Variants in MAGI1 observed in about 807,000 individuals in gnomAD.
The protein encoded by MAGI1 is membrane-associated guanylate kinase, WW and PDZ domain-containing protein 1.
MAGI1 carries 58 observed loss-of-function variants against 139.9 expected under a neutral mutation model. That is an observed-to-expected ratio of 0.41 (90% CI 0.34 to 0.52). The LOEUF is 0.52. Among genes scored for constraint, MAGI1 ranks in the 20% least tolerant of loss-of-function variants. The pLI is 0.12. For synonymous variants in MAGI1, 812 were observed against 737.9 expected, an observed-to-expected ratio of 1.10 and a Z score of -1.63; for missense variants, 1,874 against 1,901.6, an observed-to-expected ratio of 0.99 and a Z score of 0.27.
intron 1 of MAGI1, among the ~76,000 whole-genome samples, chr3:66,014,700 T>C (rs1366987834): frequency 6.6e-6 from 1 of 152,200 alleles, no homozygotes; most frequent in Non-Finnish European, 1.5e-5. Flanking sequence ...AAAGAGGCCT[T>C]ATCAAATCAT....
At chr3:65,558,202 C>T (rs2108002739) in intron 2 of MAGI1, among the ~76,000 whole-genome samples, 1 of 122,922 alleles carries the variant, frequency 8.1e-6, no homozygotes. Flanking sequence ...AATCAGGAGT[C>T]CAAGTGCCCC....
intron 3 of MAGI1, among the ~76,000 whole-genome samples, chr3:65,480,128 T>C (rs1485964022): frequency 3.4e-5 from 5 of 148,192 alleles, no homozygotes; most frequent in Non-Finnish European, 7.4e-5. Flanking sequence ...CAGTACATAG[T>C]TACATAACAA....
intron 6 of MAGI1, 65 bp downstream of exon 6, chr3:65,453,193 T>G: frequency 6.9e-7 from 1 of 1,446,960 alleles, no homozygotes. Context: ...CTACGACTCT[T>G]TAAAATTTGC....
intron 1 of MAGI1, among the ~76,000 whole-genome samples, chr3:65,728,846 G>C (rs2033886440): frequency 6.6e-6 from 1 of 152,078 alleles, no homozygotes; most frequent in Non-Finnish European, 1.5e-5. Context: ...TAGAACTTGA[G>C]TGTGTAATGA....
chr3:65,707,240 T>C (rs2030482716), intron 1 of MAGI1, among the ~76,000 whole-genome samples: 1 of 152,206 alleles, frequency 6.6e-6, no homozygotes, highest in Non-Finnish European at 1.5e-5. Flanking sequence ...CACTTCCAAA[T>C]TAAATATTTA....
At chr3:65,520,469 C>T (rs1212527517) in intron 2 of MAGI1, among the ~76,000 whole-genome samples, 1 of 152,084 alleles carries the variant, frequency 6.6e-6, no homozygotes, top group African/African-American at 2.4e-5. Flanking sequence ...GTTACCTCAT[C>T]TGCAAATGGG....
chr3:66,010,677 T>G (rs1048758495), intron 1 of MAGI1, among the ~76,000 whole-genome samples: 12 of 152,176 alleles, frequency 7.9e-5, no homozygotes, highest in Non-Finnish European at 1.3e-4. Context: ...CACCCAAATT[T>G]TGATAAAATC....
intron 2 of MAGI1, among the ~76,000 whole-genome samples, chr3:65,543,066 C>G (rs948921785): frequency 6.6e-6 from 1 of 150,496 alleles, no homozygotes; most frequent in Non-Finnish European, 1.5e-5. Flanking sequence ...AAAAAAAAAA[C>G]AAACAACCCC....
intron 3 of MAGI1, among the ~76,000 whole-genome samples, chr3:65,488,814 G>A (rs1490205838): frequency 2.0e-5 from 3 of 152,052 alleles, no homozygotes; most frequent in Non-Finnish European, 2.9e-5. Flanking sequence ...TGGGATTACA[G>A]GTGCACGCCA....
chr3:65,444,314 TG>T (rs917358562), intron 7 of MAGI1, among the ~76,000 whole-genome samples: 14 of 152,032 alleles, frequency 9.2e-5, no homozygotes, highest in Non-Finnish European at 1.8e-4. Context: ...CTTACAAAGC[TG>T]GAAATTACCA....
chr3:65,388,251 T>C (rs1211068254), intron 14 of MAGI1, among the ~76,000 whole-genome samples: 2 of 152,204 alleles, frequency 1.3e-5, no homozygotes, highest in Non-Finnish European at 2.9e-5. Context: ...ATTTAGACCA[T>C]GTGAAGGAAT....
rs562720733 is a variant in MAGI1 at position 65,999,812 on chromosome 3, G to C, written c.313+38184C>G. On this transcript the variant is annotated intron_variant, in intron 1 of 22. Coordinates refer to ENST00000402939, the MANE Select transcript of MAGI1 (RefSeq NM_001033057.2). ...GTCTGTGTTCCCCAATTGTGCTTTCGAACTAATAAGTAACCTATCTGCCCC... is the reference window on the plus strand; with the variant it reads ...GTCTGTGTTCCCCAATTGTGCTTTCCAACTAATAAGTAACCTATCTGCCCC... Among the ~76,000 whole-genome samples the C allele has an allele frequency of 1.2e-4, 18 of 151,588 alleles. No homozygotes were observed. In the East Asian group the frequency reaches 3.5e-3, roughly 29 times the overall value.
intron 1 of MAGI1, among the ~76,000 whole-genome samples, chr3:66,012,608 A>C (rs575782718): frequency 3.2e-4 from 49 of 152,162 alleles, no homozygotes; most frequent in Admixed American, 6.5e-4. Context: ...TCTACTAAAA[A>C]TACAAAAATT....
chr3:65,580,195 TAAC>T (rs759346810), intron 2 of MAGI1, among the ~76,000 whole-genome samples: 33 of 152,200 alleles, frequency 2.2e-4, no homozygotes, highest in Non-Finnish European at 4.3e-4. Flanking sequence ...AACACAGAGA[TAAC>T]AACTGTTAGC....
rs570481621 is a variant in MAGI1 at position 65,591,684 on chromosome 3, T to C, written c.430+30288A>G. Among the ~76,000 whole-genome samples, 3 of 152,334 alleles carry C rather than the reference T, an allele frequency of 2.0e-5. No individual in the cohort carries two copies. The South Asian group carries it at 6.2e-4, about 32-fold the overall frequency. On this transcript the variant is annotated intron_variant, in intron 2 of 22. Coordinates refer to ENST00000402939, the MANE Select transcript of MAGI1 (RefSeq NM_001033057.2). ...TAGCATAATCTGTCATTCTTCCTTA[T>C]ACTCTGACCTCTCCTCCCATAGTTC... is the stretch of plus-strand genomic sequence containing the variant.
chr3:65,465,176 A>G (rs6445480), intron 5 of MAGI1, among the ~76,000 whole-genome samples: 85,231 of 150,848 alleles, frequency 0.57, 25,186 homozygotes, highest in East Asian at 0.94. Context: ...CAGTACTATT[A>G]TTGCTTCAAC....
At chr3:65,849,119 G>A (rs1422764055) in intron 1 of MAGI1, among the ~76,000 whole-genome samples, 1 of 141,796 alleles carries the variant, frequency 7.1e-6, no homozygotes, top group African/African-American at 2.7e-5. Flanking sequence ...CATCCCCAGG[G>A]TTCAAGTGAC....
intron 2 of MAGI1, among the ~76,000 whole-genome samples, chr3:65,608,332 T>C (rs951399813): frequency 1.4e-4 from 21 of 151,724 alleles, no homozygotes; most frequent in Admixed American, 1.4e-3. Context: ...TCCCAGCTAC[T>C]AGGGAGGCTA....
At chr3:65,622,139 G>A (rs766491477) in intron 1 of MAGI1, 51 bp from the exon 2 acceptor site, 1 of 1,288,980 alleles carries the variant, frequency 7.8e-7, no homozygotes, top group Non-Finnish European at 1.1e-6. Context: ...GGGCCTCCTA[G>A]AAAAGAAGTA....
Sources: gnomAD v4.1 joint callset for allele counts (sites outside exome capture counted in the v4.1 genomes callset) on GRCh38, gnomAD v4.1.1 for gene constraint, MANE v1.5 for transcripts, NCBI Gene and HGNC (gene_info 2026-07-23, HGNC 2026-07-21) for gene names.